The following LCN12 variants were observed in gnomAD, a reference collection of about 807,000 sequenced individuals.
LCN12 encodes lipocalin 12.
A neutral mutation model predicts 23.7 loss-of-function variants in LCN12; 15 were observed. The observed-to-expected ratio is 0.63, with a 90% CI of 0.42 to 0.97. The LOEUF (loss-of-function observed/expected upper bound fraction) is 0.97. Ranked by LOEUF, LCN12 falls within the 50% of genes least tolerant of loss-of-function variation. LCN12 has a pLI of 0.00. For missense variants in LCN12, 219 were observed against 249.6 expected (o/e 0.88, Z 0.83); for synonymous variants, 116 against 111.5 (o/e 1.04, Z -0.25).
chr9:136,956,103 A>G (rs1035366921), downstream of LCN12, among the ~76,000 whole-genome samples: 18 of 151,962 alleles, frequency 1.2e-4, no homozygotes, highest in African/African-American at 4.1e-4. Flanking sequence ...AGATGTCTGT[A>G]TTCGGACGCC....
intron 2 of LCN12, 24 bp from the exon 3 acceptor site, chr9:136,953,676 G>C (rs1023617263): frequency 2.0e-6 from 3 of 1,535,560 alleles, no homozygotes; most frequent in African/African-American, 2.8e-5. Context: ...GGAGCCTTCC[G>C]CCTCCACCTG....
At chr9:136,950,026 A>G (rs1388199317), upstream of LCN12, among the ~76,000 whole-genome samples, 4 of 145,724 alleles carry the variant, frequency 2.7e-5, no homozygotes, top group Non-Finnish European at 4.5e-5. Context: ...CAGAGCCAGG[A>G]CTCCCCCGGG....
chr9:136,953,824 G>C, intron 3 of LCN12, 24 bp from the exon 4 acceptor site: 1 of 1,597,606 alleles, frequency 6.3e-7, no homozygotes, highest in East Asian at 2.3e-5. Context: ...GGCCCACAGG[G>C]ATGTGACGTC....
upstream of LCN12, among the ~76,000 whole-genome samples, chr9:136,949,374 G>A (rs1387651841): frequency 6.6e-6 from 1 of 152,238 alleles, no homozygotes; most frequent in Admixed American, 6.5e-5. Flanking sequence ...TGGGGCCCCG[G>A]GAGCCCCTGG....
rs1487402775 is a variant in LCN12, at chr9:136,953,345, ACCT to A, written c.251+318_251+320del. On this transcript the variant is annotated intron_variant, in intron 2 of 5. Coordinates refer to ENST00000371633, the MANE Select transcript of LCN12 (RefSeq NM_178536.4). ...TCAGGGGCCGGGCGCGCTGGCTCACACCTGTAATCCTAGCACTTTGGGGGCCGG... is the reference window on the plus strand; with the variant it reads ...TCAGGGGCCGGGCGCGCTGGCTCACAGTAATCCTAGCACTTTGGGGGCCGG... The A allele has an allele frequency of 8.0e-4, 78 of 97,648 alleles. 1 individual carries two copies. In the East Asian group the frequency reaches 0.028, roughly 35 times the overall value. The allele number at this position is 97,648 out of a possible 1,614,324, so 6.0% of individuals were successfully genotyped here. A position where few individuals can be genotyped will look rare whatever the true frequency, so the allele number is the denominator to read the frequency against.
In LCN12 at chr9:136,952,376, C is replaced by A. The variant is rs758144369; in HGVS notation, c.49C>A (p.Leu17Met). 1.1e-5 allele frequency: 18 copies of A among 1,612,182 alleles called. No homozygotes were observed. In the South Asian group the frequency reaches 2.0e-4, roughly 18 times the overall value. ...GCTGTGGCTCTCCTTGCTGAAAGTC[C>A]TGCAGGCCCAGACCCCAACCCCCCT... ...LWLWLSLLKV[L>M]QAQTPTPLPL... The change falls in exon 1 of 6, where the codon CTG (leucine) becomes ATG (methionine). Residue 17 changes from leucine (L) to methionine (M), a missense_variant. Leu to Met is a conservative substitution (Grantham distance 15). Coordinates refer to ENST00000371633, the MANE Select transcript of LCN12 (RefSeq NM_178536.4).
At chr9:136,950,849 G>C (rs1851135762), upstream of LCN12, among the ~76,000 whole-genome samples, 1 of 152,190 alleles carries the variant, frequency 6.6e-6, no homozygotes, top group African/African-American at 2.4e-5. Flanking sequence ...CTGAAGTCCT[G>C]GGGGCTGGGC....
At chr9:136,953,210 G>C (rs1851208980) in intron 2 of LCN12, 182 bp downstream of exon 2, 1 of 757,506 alleles carries the variant, frequency 1.3e-6, no homozygotes, top group South Asian at 1.8e-5. Context: ...GGGCGCGCTG[G>C]CTCACACCTG....
upstream of LCN12, among the ~76,000 whole-genome samples, chr9:136,951,586 TG>T (rs1386698932): frequency 6.6e-6 from 1 of 152,250 alleles, no homozygotes; most frequent in African/African-American, 2.4e-5. Context: ...AGGACCAGCA[TG>T]GGGTGCCCAC....
In LCN12 at chr9:136,953,745, C is replaced by T; in HGVS notation, c.297C>T (p.Ala99=). The T allele has an allele frequency of 6.2e-7, 1 of 1,606,062 alleles. No individual in the cohort carries two copies. Among genetic ancestry groups the T allele is most frequent in the Non-Finnish European group, 8.5e-7 (1 of 1,176,672 alleles). ...GGTCTTATGTGCTGATACCGGCAGC[C>T]CAGCCTGGGCAGTTCACTGTGGACC... ...DTWSYVLIPA[A]QPGQFTVDHG... Residue 99 remains alanine, a synonymous_variant, in exon 3 of 6, where the codon GCC becomes GCT. Transcript: ENST00000371633.
At position 136,953,032 on chromosome 9, in the gene LCN12, A is replaced by AGT. The variant is rs764362266; in HGVS notation, c.251+6_251+7dup. ...AGGTGTGGAATGCGATGACTCGGTG[A>AGT]GTGGCTGTCCCTGCCGTTCCAAGCG... On this transcript the variant is annotated splice_donor_region_variant and intron_variant, in intron 2 of 5. Transcript: ENST00000371633. 77 of 1,613,262 alleles carry AGT rather than the reference A, an allele frequency of 4.8e-5. No homozygotes were observed. The East Asian group carries it at 1.6e-3, about 34-fold the overall frequency.
chr9:136,952,635 C>T (rs895417074), intron 1 of LCN12, 194 bp downstream of exon 1: 3 of 629,950 alleles, frequency 4.8e-6, no homozygotes, highest in Non-Finnish European at 8.2e-6. Context: ...TCCCTGCCGT[C>T]AGCCCAGCCC....
At chr9:136,954,885 C>A in intron 5 of LCN12, 1 of 1,230,060 alleles carries the variant, frequency 8.1e-7, no homozygotes, top group Non-Finnish European at 1.0e-6. Flanking sequence ...CTGATTCCCG[C>A]CTCTGGTCCT....
chr9:136,956,431 C>G (rs1189553135), downstream of LCN12, among the ~76,000 whole-genome samples: 1 of 152,236 alleles, frequency 6.6e-6, no homozygotes, highest in African/African-American at 2.4e-5. Context: ...CGGACAGAGA[C>G]AGCAGACAGA....
chr9:136,954,052 G>A lies in LCN12; in HGVS notation c.448+88G>A, dbSNP rs377285382. ...GGGTCAGACCCTGCCTCCCCACCCCGCCTGGAGTGACTTGGGGGTACAGAT... is the reference window on the plus strand; with the variant it reads ...GGGTCAGACCCTGCCTCCCCACCCCACCTGGAGTGACTTGGGGGTACAGAT... On this transcript the variant is annotated intron_variant, in intron 4 of 5. Coordinates refer to ENST00000371633, the MANE Select transcript of LCN12 (RefSeq NM_178536.4). The A allele has an allele frequency of 3.0e-4, 462 of 1,545,830 alleles. 2 individuals are homozygous for A. In the African/African-American group the frequency reaches 3.6e-3, roughly 12 times the overall value.
chr9:136,955,053 C>A, intron 5 of LCN12: 6 of 1,395,580 alleles, frequency 4.3e-6, no homozygotes, highest in Non-Finnish European at 5.6e-6. Flanking sequence ...GGTCTGCACA[C>A]ACCTGCACAC....
At chr9:136,953,678 C>A in intron 2 of LCN12, 22 bp from the exon 3 acceptor site, 2 of 1,542,986 alleles carry the variant, frequency 1.3e-6, no homozygotes, top group South Asian at 2.4e-5. Flanking sequence ...AGCCTTCCGC[C>A]TCCACCTGTC....
intron 1 of LCN12, 58 bp downstream of exon 1, chr9:136,952,499 C>A: frequency 2.4e-6 from 3 of 1,255,350 alleles, no homozygotes; most frequent in Non-Finnish European, 3.4e-6. Context: ...CAGGGAGAGG[C>A]TGGTGGCTGA....
intron 2 of LCN12, 103 bp from the exon 3 acceptor site, chr9:136,953,596 CG>C (rs1334932365): frequency 5.0e-5 from 39 of 787,310 alleles, no homozygotes; most frequent in Non-Finnish European, 6.8e-5. Flanking sequence ...CCACTCCCGC[CG>C]TGGGTCCCTC....
Sources: allele counts gnomAD v4.1 joint callset (sites outside exome capture counted in the v4.1 genomes callset), GRCh38; gene constraint gnomAD v4.1.1; transcripts MANE v1.5; gene names NCBI Gene and HGNC (gene_info 2026-07-23, HGNC 2026-07-21).